SUCLG2: variants seen among roughly 807,000 people sequenced by gnomAD.
SUCLG2 encodes succinate--CoA ligase [GDP-forming] subunit beta, mitochondrial.
A neutral mutation model predicts 47.9 loss-of-function variants in SUCLG2; 42 were observed. The observed-to-expected ratio is 0.88, with a 90% CI of 0.69 to 1.14. The LOEUF (loss-of-function observed/expected upper bound fraction) is 1.14. SUCLG2 is among the 50% of genes most tolerant of loss of function. SUCLG2 has a pLI of 0.00. For synonymous variants in SUCLG2, 195 were observed against 197.3 expected, an observed-to-expected ratio of 0.99 and a Z score of 0.10; for missense variants, 571 against 525.9, an observed-to-expected ratio of 1.09 and a Z score of -0.84.
At position 67,393,056 on chromosome 3, in the gene SUCLG2, T is replaced by C. The variant is rs932751685; in HGVS notation, c.1183+7675A>G. Among the ~76,000 whole-genome samples, 4 of 151,850 alleles carry C rather than the reference T, an allele frequency of 2.6e-5. No homozygotes were observed. In the East Asian group the frequency reaches 7.7e-4, roughly 29 times the overall value. On this transcript the variant is annotated intron_variant, in intron 10 of 10. Coordinates refer to ENST00000307227, the MANE Select transcript of SUCLG2 (RefSeq NM_003848.4). ...GGGAAGGCAGCCAAGATGGCCGAAA[T>C]GGAACAGCTCCGGTCTACAGCTCCC...
intron 2 of SUCLG2, among the ~76,000 whole-genome samples, chr3:67,529,718 G>A (rs1053970366): frequency 6.6e-6 from 1 of 152,216 alleles, no homozygotes; most frequent in African/African-American, 2.4e-5. Flanking sequence ...GGGAAAGGGA[G>A]GAGGAAATGG....
chr3:67,624,943 C>T (rs1700797534), intron 1 of SUCLG2, among the ~76,000 whole-genome samples: 1 of 152,320 alleles, frequency 6.6e-6, no homozygotes, highest in African/African-American at 2.4e-5. Context: ...CACAAAAAGA[C>T]TCTTACAAAT....
At chr3:67,368,971 T>G (rs1403501149) in intron 10 of SUCLG2, among the ~76,000 whole-genome samples, 1 of 152,168 alleles carries the variant, frequency 6.6e-6, no homozygotes, top group Admixed American at 6.5e-5. Context: ...TGTAGTTAAA[T>G]TGGGGTTTCT....
chr3:67,435,121 G>A (rs1468459862), intron 9 of SUCLG2, among the ~76,000 whole-genome samples: 4 of 152,088 alleles, frequency 2.6e-5, no homozygotes, highest in African/African-American at 9.7e-5. Context: ...TCCATGGGCT[G>A]GTGTAGCTAC....
chr3:67,602,277 A>G (rs1708437198), intron 2 of SUCLG2, among the ~76,000 whole-genome samples: 2 of 152,228 alleles, frequency 1.3e-5, no homozygotes. Context: ...AAGTGTAAGA[A>G]GAATTAATCC....
intron 9 of SUCLG2, among the ~76,000 whole-genome samples, chr3:67,407,964 T>C (rs1702852879): frequency 6.6e-6 from 1 of 152,212 alleles, no homozygotes; most frequent in Non-Finnish European, 1.5e-5. Flanking sequence ...TAATTGATGT[T>C]TGTATGCCTG....
In SUCLG2 at chr3:67,609,462, C is replaced by A. The variant is rs780381497; in HGVS notation, c.219G>T (p.Lys73Asn). Residue 73 changes from lysine to asparagine, a missense_variant, in exon 2 of 11, where the codon AAG becomes AAT. Coordinates refer to ENST00000307227, the MANE Select transcript of SUCLG2 (RefSeq NM_003848.4). ...CATTATGAATCAGCTTACTTAGTCT[C>A]TTAGCAGCCTCGAGAGCTTCATTTG... ...DTANEALEAA[K>N]RLNAKEIVLK... The A allele has an allele frequency of 6.2e-7, 1 of 1,612,032 alleles. No individual in the cohort carries two copies. Among genetic ancestry groups the A allele is most frequent in the South Asian group, 1.1e-5 (1 of 90,890 alleles).
Position 67,423,980 on chromosome 3 carries a change from T to A in SUCLG2, c.1063-23129A>T, listed in dbSNP as rs1703236784. The stretch of plus-strand genomic sequence containing the variant: ...TCCACTTCATGAAGTCTCTAAAGGA[T>A]CTCATATGTTTGGTGGAAAATCAAA... On this transcript the variant is annotated intron_variant, in intron 9 of 10. Transcript: ENST00000307227. Among the ~76,000 whole-genome samples, 8 of 152,276 alleles carry A rather than the reference T, an allele frequency of 5.3e-5. No homozygotes were observed. The South Asian group carries it at 1.7e-3, about 32-fold the overall frequency.
intron 2 of SUCLG2, among the ~76,000 whole-genome samples, chr3:67,560,709 G>A (rs1436868618): frequency 6.6e-6 from 1 of 151,914 alleles, no homozygotes; most frequent in African/African-American, 2.4e-5. Flanking sequence ...TGGGAGTGTG[G>A]GAGAACCTCA....
At chr3:67,485,867 A>T (rs947131193) in intron 9 of SUCLG2, among the ~76,000 whole-genome samples, 1 of 152,276 alleles carries the variant, frequency 6.6e-6, no homozygotes, top group Non-Finnish European at 1.5e-5. Flanking sequence ...CATTACTGGC[A>T]TATTCTAAAG....
chr3:67,654,023 G>T (rs902786068), intron 1 of SUCLG2, among the ~76,000 whole-genome samples: 3 of 152,226 alleles, frequency 2.0e-5, no homozygotes, highest in African/African-American at 7.2e-5. Context: ...CAGGTAGCCT[G>T]CAGGAAGTTC....
chr3:67,396,890 T>C (rs1702543822), intron 10 of SUCLG2, among the ~76,000 whole-genome samples: 2 of 152,088 alleles, frequency 1.3e-5, no homozygotes, highest in South Asian at 4.1e-4. Flanking sequence ...ATAAATGTAA[T>C]CCAGCATATA....
intron 9 of SUCLG2, among the ~76,000 whole-genome samples, chr3:67,488,123 T>A (rs531469845): frequency 1.3e-4 from 20 of 150,700 alleles, no homozygotes; most frequent in East Asian, 6.4e-4. Context: ...ATATATATAT[T>A]TTTTAAAAAG....
rs55687048 is a variant in SUCLG2, at chr3:67,552,172, CAAAAAAA to C, written c.227-22993_227-22987del. Among the ~76,000 whole-genome samples, 400 of 75,500 alleles carry C rather than the reference CAAAAAAA, an allele frequency of 5.3e-3. 3 individuals carry two copies. The highest frequency in any genetic ancestry group is 7.2e-3 in the Non-Finnish European group (224 of 31,090). The allele number at this position is 75,500 out of a possible 152,430, so 49.5% of individuals were successfully genotyped here. On this transcript the variant is annotated intron_variant, in intron 2 of 10. Transcript: ENST00000307227. Reference sequence around the variant, plus strand: ...TGGGCAACAGAGCAAAACTCCATCTCAAAAAAAAAAAAAAAAAAAAGAAAAAAGAAAA... The same window carrying C: ...TGGGCAACAGAGCAAAACTCCATCTCAAAAAAAAAAAAAGAAAAAAGAAAA...
intron 1 of SUCLG2, among the ~76,000 whole-genome samples, chr3:67,611,893 T>C (rs1258520596): frequency 6.6e-6 from 1 of 152,166 alleles, no homozygotes; most frequent in East Asian, 1.9e-4. Flanking sequence ...TGCTCTTAAA[T>C]TGAAAACCAG....
At chr3:67,586,387 T>C (rs999330840) in intron 2 of SUCLG2, among the ~76,000 whole-genome samples, 1 of 152,226 alleles carries the variant, frequency 6.6e-6, no homozygotes, top group African/African-American at 2.4e-5. Flanking sequence ...ATTTTCTTTT[T>C]GCAAATGATG....
chr3:67,403,436 T>G (rs1289447100), intron 9 of SUCLG2, among the ~76,000 whole-genome samples: 3 of 152,206 alleles, frequency 2.0e-5, no homozygotes, highest in African/African-American at 7.2e-5. Flanking sequence ...ATGAATGAAT[T>G]AATTTCAACA....
At chr3:67,462,235 T>C (rs1233250231) in intron 9 of SUCLG2, among the ~76,000 whole-genome samples, 1 of 152,040 alleles carries the variant, frequency 6.6e-6, no homozygotes, top group Non-Finnish European at 1.5e-5. Flanking sequence ...ACAGCAGGCT[T>C]TAGAAACTAA....
intron 9 of SUCLG2, among the ~76,000 whole-genome samples, chr3:67,482,900 C>A (rs549791634): frequency 6.6e-6 from 1 of 152,244 alleles, no homozygotes; most frequent in East Asian, 1.9e-4. Flanking sequence ...GACACCTAAA[C>A]GTTTGCTCAA....
Sources: gnomAD v4.1 joint callset for allele counts (sites outside exome capture counted in the v4.1 genomes callset) on GRCh38, gnomAD v4.1.1 for gene constraint, MANE v1.5 for transcripts, NCBI Gene and HGNC (gene_info 2026-07-23, HGNC 2026-07-21) for gene names.